Variants in FARS2 observed in about 807,000 individuals in gnomAD.
FARS2 encodes the protein phenylalanyl-tRNA synthetase 2, mitochondrial, also known as phenylalanine--tRNA ligase, mitochondrial.
Under a neutral mutation model 46.4 loss-of-function variants are expected in FARS2, and 40 were observed. That is an observed-to-expected ratio of 0.86 (90% CI 0.67 to 1.12). The LOEUF (loss-of-function observed/expected upper bound fraction) is 1.12. FARS2 is among the 50% of genes most tolerant of loss of function. The pLI is 0.00. For missense variants in FARS2, 513 were observed against 567.9 expected, an observed-to-expected ratio of 0.90 and a Z score of 0.98; for synonymous variants, 234 against 214.9, an observed-to-expected ratio of 1.09 and a Z score of -0.78.
intron 4 of FARS2, among the ~76,000 whole-genome samples, chr6:5,493,998 G>A (rs189743406): frequency 8.2e-4 from 125 of 152,206 alleles, no homozygotes; most frequent in African/African-American, 2.1e-3. Context: ...GAGTGCCAGC[G>A]CTATTTCAGC....
intron 4 of FARS2, among the ~76,000 whole-genome samples, chr6:5,450,849 A>G (rs905153757): frequency 6.6e-6 from 1 of 152,046 alleles, no homozygotes; most frequent in Non-Finnish European, 1.5e-5. Context: ...CCCTGGATAC[A>G]TGCCTTGGGC....
intron 6 of FARS2, among the ~76,000 whole-genome samples, chr6:5,654,283 C>T (rs553786832): frequency 2.6e-5 from 4 of 152,174 alleles, no homozygotes; most frequent in Non-Finnish European, 4.4e-5. Context: ...CATGGGTTTC[C>T]TCCTGGCAGA....
At chr6:5,458,893 G>A (rs188258717) in intron 4 of FARS2, among the ~76,000 whole-genome samples, 1,772 of 152,310 alleles carry the variant, frequency 0.012, 40 homozygotes, top group African/African-American at 0.039. Flanking sequence ...ATCCATGACT[G>A]TACAAATGGT....
chr6:5,298,768 T>G lies in FARS2; in HGVS notation c.-22+37108T>G, dbSNP rs1237227038. On this transcript the variant is annotated intron_variant, in intron 1 of 6. Transcript: ENST00000274680. The stretch of plus-strand genomic sequence containing the variant: ...TGGGCTTTAAATAAGATTTTTACTG[T>G]CAAAAAATACAAAAATACCAGGAGG... 2.7e-5 allele frequency among the ~76,000 whole-genome samples: 4 copies of G among 145,708 alleles called. No homozygotes were observed. The Admixed American group carries it at 2.9e-4, about 10-fold the overall frequency.
intron 6 of FARS2, among the ~76,000 whole-genome samples, chr6:5,718,766 C>T (rs1274253210): frequency 6.6e-6 from 1 of 152,068 alleles, no homozygotes; most frequent in Non-Finnish European, 1.5e-5. Flanking sequence ...ACTCTCAGCC[C>T]GAGGCTGTGT....
At chr6:5,596,163 T>G (rs1774186125) in intron 5 of FARS2, among the ~76,000 whole-genome samples, 1 of 152,162 alleles carries the variant, frequency 6.6e-6, no homozygotes, top group Non-Finnish European at 1.5e-5. Context: ...GCCGCCACCG[T>G]TATACATTCA....
At chr6:5,581,731 G>A (rs1422093048) in intron 5 of FARS2, among the ~76,000 whole-genome samples, 3 of 151,980 alleles carry the variant, frequency 2.0e-5, no homozygotes, top group African/African-American at 7.3e-5. Context: ...TTTTCTAAAT[G>A]GTCACGGTAA....
At chr6:5,564,307 C>G (rs1323873616) in intron 5 of FARS2, among the ~76,000 whole-genome samples, 1 of 151,942 alleles carries the variant, frequency 6.6e-6, no homozygotes, top group African/African-American at 2.4e-5. Context: ...TTTTCCCAAA[C>G]AAAGAAACCT....
intron 5 of FARS2, among the ~76,000 whole-genome samples, chr6:5,559,407 G>C (rs966603328): frequency 1.3e-5 from 2 of 152,022 alleles, no homozygotes; most frequent in Admixed American, 1.3e-4. Context: ...CTATCTCAAA[G>C]CAAACAAACA....
chr6:5,303,579 A>G lies in FARS2; in HGVS notation c.-22+41919A>G, dbSNP rs556116675. Among the ~76,000 whole-genome samples, 10 of 151,940 alleles carry G rather than the reference A, an allele frequency of 6.6e-5. No homozygotes were observed. In the East Asian group the frequency reaches 1.7e-3, roughly 27 times the overall value. Reference sequence around the variant, plus strand: ...CCCCACGACTCTGTTTCTTAGACAAATGTGTTTGCGGCCACGCTGGCTGCT... The same window carrying G: ...CCCCACGACTCTGTTTCTTAGACAAGTGTGTTTGCGGCCACGCTGGCTGCT... On this transcript the variant is annotated intron_variant, in intron 1 of 6. Coordinates refer to ENST00000274680, the MANE Select transcript of FARS2 (RefSeq NM_006567.5).
chr6:5,552,781 G>T (rs906950679), intron 5 of FARS2, among the ~76,000 whole-genome samples: 2 of 152,162 alleles, frequency 1.3e-5, no homozygotes, highest in South Asian at 2.1e-4. Context: ...CAACAATATG[G>T]TTGGTCTGTT....
chr6:5,260,404 TA>T (rs1260927467), upstream of FARS2, among the ~76,000 whole-genome samples: 1 of 152,240 alleles, frequency 6.6e-6, no homozygotes, highest in African/African-American at 2.4e-5. Context: ...AGATAGCCTT[TA>T]GGGGGAAAAC....
At chr6:5,674,386 T>A (rs941382932) in intron 6 of FARS2, among the ~76,000 whole-genome samples, 1 of 152,030 alleles carries the variant, frequency 6.6e-6, no homozygotes, top group African/African-American at 2.4e-5. Context: ...CTGTCGAGGA[T>A]GTTTTTGACA....
At chr6:5,500,933 CGAGAGA>C (rs58128430) in intron 4 of FARS2, among the ~76,000 whole-genome samples, 7,916 of 143,494 alleles carry the variant, frequency 0.055, 297 homozygotes, top group Middle Eastern at 0.11. Context: ...TTCAAATCCC[CGAGAGA>C]GAGAGAGAGA....
intron 6 of FARS2, among the ~76,000 whole-genome samples, chr6:5,634,484 T>C (rs2150726506): frequency 6.6e-6 from 1 of 152,138 alleles, no homozygotes; most frequent in East Asian, 1.9e-4. Flanking sequence ...TGTTTTTTGG[T>C]TTTTTTGTAG....
chr6:5,641,361 A>T (rs1349937007), intron 6 of FARS2, among the ~76,000 whole-genome samples: 1 of 151,966 alleles, frequency 6.6e-6, no homozygotes, highest in Non-Finnish European at 1.5e-5. Context: ...CAGTGGCATG[A>T]TCTTGGCTCA....
chr6:5,609,875 C>T, intron 5 of FARS2: 1 of 999,246 alleles, frequency 1.0e-6, no homozygotes. Flanking sequence ...ATGCCACCAA[C>T]AAATGCCTTT....
At chr6:5,341,235 A>ATATATATATATATATTTTT (rs1561970178) in intron 1 of FARS2, among the ~76,000 whole-genome samples, 1 of 10,274 alleles carries the variant, frequency 9.7e-5, no homozygotes, top group Non-Finnish European at 2.0e-4. Flanking sequence ...ATATATATAT[A>ATATATATATATATATTTTT]TTTTTTTTTT....
intron 4 of FARS2, among the ~76,000 whole-genome samples, chr6:5,536,087 T>C (rs1770177097): frequency 6.7e-6 from 1 of 150,288 alleles, no homozygotes; most frequent in Non-Finnish European, 1.5e-5. Flanking sequence ...AGTCTCACTC[T>C]GTCGCCCAGG....
Sources: gnomAD v4.1 joint callset for allele counts (sites outside exome capture counted in the v4.1 genomes callset) on GRCh38, gnomAD v4.1.1 for gene constraint, MANE v1.5 for transcripts, NCBI Gene and HGNC (gene_info 2026-07-23, HGNC 2026-07-21) for gene names.